The following NAV2 variants were observed in gnomAD, a reference collection of about 807,000 sequenced individuals.
The protein encoded by NAV2 is neuron navigator 2.
A neutral mutation model predicts 223.2 loss-of-function variants in NAV2; 54 were observed. That is an observed-to-expected ratio of 0.24 (90% CI 0.19 to 0.30). The LOEUF (loss-of-function observed/expected upper bound fraction) is 0.30, where lower values mean the gene tolerates loss of function less well. Among genes scored for constraint, NAV2 ranks in the 10% least tolerant of loss-of-function variants. The pLI is 1.00. For synonymous variants in NAV2, 1,279 were observed against 1,239.3 expected, an observed-to-expected ratio of 1.03 and a Z score of -0.67; for missense variants, 2,806 against 3,147.5, an observed-to-expected ratio of 0.89 and a Z score of 2.60.
intron 26 of NAV2, 116 bp downstream of exon 26, chr11:20,083,295 T>C: frequency 1.3e-6 from 1 of 799,600 alleles, no homozygotes; most frequent in Non-Finnish European, 2.0e-6. Flanking sequence ...TATGCTTTGC[T>C]TTAATAGGAC....
intron 6 of NAV2, among the ~76,000 whole-genome samples, chr11:19,931,226 G>T (rs2045303601): frequency 6.6e-6 from 1 of 152,166 alleles, no homozygotes; most frequent in South Asian, 2.1e-4. Context: ...CCAGCAGTGT[G>T]GGTGGGTTCT....
At chr11:19,852,083 G>A (rs2061176790) in intron 3 of NAV2, among the ~76,000 whole-genome samples, 1 of 152,224 alleles carries the variant, frequency 6.6e-6, no homozygotes, top group Non-Finnish European at 1.5e-5. Context: ...CAGAATGGAT[G>A]CAGCCCTGCC....
intron 1 of NAV2, among the ~76,000 whole-genome samples, chr11:19,615,023 G>T (rs554971241): frequency 6.6e-6 from 1 of 152,240 alleles, no homozygotes; most frequent in South Asian, 2.1e-4. Context: ...GAGGGGTCAT[G>T]ATGGAGTCAA....
chr11:19,383,944 C>T (rs1405590640), intron 1 of NAV2, among the ~76,000 whole-genome samples: 1 of 152,140 alleles, frequency 6.6e-6, no homozygotes, highest in African/African-American at 2.4e-5. Flanking sequence ...AAATGTTTAT[C>T]CTCATGTTGC....
rs370633060 is a variant in NAV2 at position 20,101,088 on chromosome 11, G to T, written c.6333G>T (p.Leu2111=). ...GTGKTYLANR[L]SEYIVLREGR... ...GGAAAACCTACCTGGCCAACCGGCT[G>T]TCTGAGTATATAGTGCTTCGAGAGG... The change falls in exon 32 of 38, where the codon CTG becomes CTT. Residue 2111 remains leucine (L), a synonymous_variant. Coordinates refer to ENST00000349880, the MANE Select transcript of NAV2 (RefSeq NM_145117.5). The T allele has an allele frequency of 8.7e-6, 14 of 1,614,162 alleles. No individual in the cohort carries two copies. The highest frequency in any genetic ancestry group is 1.1e-5 in the Non-Finnish European group (13 of 1,180,046).
At chr11:19,382,432 TGTC>T (rs1848878078) in intron 1 of NAV2, among the ~76,000 whole-genome samples, 1 of 152,178 alleles carries the variant, frequency 6.6e-6, no homozygotes, top group African/African-American at 2.4e-5. Context: ...AATTGGAACT[TGTC>T]GGGGAGTCAA....
intron 1 of NAV2, among the ~76,000 whole-genome samples, chr11:19,556,855 C>T (rs1161362877): frequency 6.6e-6 from 1 of 152,100 alleles, no homozygotes; most frequent in Admixed American, 6.5e-5. Context: ...AATGACCATG[C>T]TGTATTTTGG....
chr11:20,104,522 T>C (rs2061881569), intron 34 of NAV2: 1 of 152,372 alleles, frequency 6.6e-6, no homozygotes, highest in African/African-American at 2.4e-5. Context: ...ACTGAGAGCA[T>C]GGCTCACCTC....
intron 1 of NAV2, among the ~76,000 whole-genome samples, chr11:19,358,242 C>T (rs150995885): frequency 2.2e-4 from 34 of 152,248 alleles, no homozygotes; most frequent in Non-Finnish European, 4.0e-4. Flanking sequence ...TTTTTTACAA[C>T]GCAGCTTCTT....
chr11:19,657,379 A>G (rs1490907538), intron 1 of NAV2, among the ~76,000 whole-genome samples: 1 of 152,180 alleles, frequency 6.6e-6, no homozygotes, highest in Non-Finnish European at 1.5e-5. Flanking sequence ...ATATAAAAAA[A>G]CCACCCTGTG....
chr11:19,908,280 T>A (rs183369952), intron 6 of NAV2, among the ~76,000 whole-genome samples: 3 of 152,064 alleles, frequency 2.0e-5, no homozygotes, highest in African/African-American at 7.2e-5. Context: ...AGGTCCAGGG[T>A]GGGTGTGGGA....
chr11:19,972,108 T>G (rs1305900200), intron 10 of NAV2, among the ~76,000 whole-genome samples: 1 of 152,224 alleles, frequency 6.6e-6, no homozygotes, highest in Non-Finnish European at 1.5e-5. Flanking sequence ...ATGTGGCTTT[T>G]CAGAATCACT....
At chr11:20,047,283 T>C (rs1486793161) in intron 14 of NAV2, among the ~76,000 whole-genome samples, 3 of 152,272 alleles carry the variant, frequency 2.0e-5, no homozygotes, top group Non-Finnish European at 4.4e-5. Flanking sequence ...CCTACGGCTC[T>C]ACATTGAACA....
chr11:19,718,269 A>G (rs17600918), intron 1 of NAV2, among the ~76,000 whole-genome samples: 3,056 of 152,334 alleles, frequency 0.02, 51 homozygotes, highest in South Asian at 0.035. Flanking sequence ...GCTGACCTTC[A>G]GATAAGTAAC....
intron 1 of NAV2, among the ~76,000 whole-genome samples, chr11:19,697,973 C>T (rs2049397695): frequency 6.6e-6 from 1 of 152,162 alleles, no homozygotes; most frequent in Non-Finnish European, 1.5e-5. Context: ...GCCTTGCCTA[C>T]CCAGCACTTG....
intron 1 of NAV2, among the ~76,000 whole-genome samples, chr11:19,496,814 C>G (rs1219081582): frequency 2.0e-5 from 3 of 152,054 alleles, no homozygotes; most frequent in African/African-American, 7.2e-5. Context: ...ACAATGTGAT[C>G]ACTAAAAAAC....
intron 1 of NAV2, among the ~76,000 whole-genome samples, chr11:19,437,769 C>A (rs1472632383): frequency 6.6e-6 from 1 of 152,298 alleles, no homozygotes; most frequent in East Asian, 1.9e-4. Flanking sequence ...TCAAATGTTT[C>A]TACCCATTAT....
intron 1 of NAV2, among the ~76,000 whole-genome samples, chr11:19,362,977 G>A (rs1590053757): frequency 6.6e-6 from 1 of 152,162 alleles, no homozygotes. Flanking sequence ...ACAATCTGAT[G>A]ATGAAGGGTT....
At position 19,611,488 on chromosome 11, in the gene NAV2, C is replaced by A. The variant is rs796694269; in HGVS notation, c.76-220996C>A. Among the ~76,000 whole-genome samples the A allele has an allele frequency of 1.2e-4, 18 of 152,270 alleles. 1 individual carries two copies. The highest frequency in any genetic ancestry group is 4.1e-4 in the African/African-American group (17 of 41,566). ...GCCTATGAGCCTGTAAAATCAAAAG[C>A]AAGCTAGTGACTTCCTAGATACAAT... On this transcript the variant is annotated intron_variant, in intron 1 of 37. Coordinates refer to the NAV2 transcript ENST00000360655.
Sources: allele counts gnomAD v4.1 joint callset (sites outside exome capture counted in the v4.1 genomes callset), GRCh38; gene constraint gnomAD v4.1.1; transcripts MANE v1.5; gene names NCBI Gene and HGNC (gene_info 2026-07-23, HGNC 2026-07-21).